The following NELL1 variants were observed in gnomAD, a reference collection of about 807,000 sequenced individuals.
NELL1 encodes neural EGFL like 1.
NELL1 carries 76 observed loss-of-function variants against 107.4 expected under a neutral mutation model. That is an observed-to-expected ratio of 0.71 (90% CI 0.59 to 0.86). The LOEUF (loss-of-function observed/expected upper bound fraction) is 0.86. Ranked by LOEUF, NELL1 falls within the 40% of genes least tolerant of loss-of-function variation. The probability of loss-of-function intolerance (pLI) is 0.00; values close to 1 mark genes in which losing one functional copy is unlikely to be tolerated. For synonymous variants in NELL1, 353 were observed against 341.2 expected (o/e 1.03, Z -0.38); for missense variants, 1,024 against 1,005.5 (o/e 1.02, Z -0.25).
At chr11:21,291,807 C>G (rs576875621) in intron 14 of NELL1, among the ~76,000 whole-genome samples, 1 of 152,162 alleles carries the variant, frequency 6.6e-6, no homozygotes, top group South Asian at 2.1e-4. Flanking sequence ...ATCAGATAAA[C>G]AGAACTGATG....
chr11:21,434,407 G>C (rs548365396), intron 15 of NELL1, among the ~76,000 whole-genome samples: 1 of 152,176 alleles, frequency 6.6e-6, no homozygotes, highest in South Asian at 2.1e-4. Context: ...TGTTCTTGAT[G>C]TGGATATTCA....
intron 3 of NELL1, among the ~76,000 whole-genome samples, chr11:20,830,875 C>T (rs771767345): frequency 1.1e-4 from 16 of 152,072 alleles, no homozygotes; most frequent in Non-Finnish European, 1.6e-4. Context: ...AGAGATACAC[C>T]CATATGATCC....
chr11:20,927,041 T>C (rs1850511413), intron 7 of NELL1: 1 of 364,284 alleles, frequency 2.7e-6, no homozygotes, highest in South Asian at 3.9e-5. Context: ...CACACATTTA[T>C]GAACACCCAT....
chr11:21,391,634 C>T (rs1851880756), intron 15 of NELL1, among the ~76,000 whole-genome samples: 1 of 151,550 alleles, frequency 6.6e-6, no homozygotes, highest in African/African-American at 2.4e-5. Context: ...AATGTAGCTA[C>T]CCTGTTTCAT....
chr11:21,351,458 C>T (rs572453704), intron 14 of NELL1, among the ~76,000 whole-genome samples: 1 of 149,614 alleles, frequency 6.7e-6, no homozygotes, highest in East Asian at 2.0e-4. Flanking sequence ...ACCTGATTTA[C>T]TAATGGGAAA....
intron 13 of NELL1, among the ~76,000 whole-genome samples, chr11:21,153,245 G>A (rs1426613482): frequency 6.6e-6 from 1 of 152,060 alleles, no homozygotes. Flanking sequence ...CCTATCTGAG[G>A]TGGGCAGACA....
chr11:21,182,877 C>T (rs1025982734), intron 13 of NELL1, among the ~76,000 whole-genome samples: 5 of 151,910 alleles, frequency 3.3e-5, no homozygotes, highest in African/African-American at 1.2e-4. Flanking sequence ...AGTACTGCTA[C>T]TGGAAAGAAA....
chr11:21,142,937 G>C (rs1216571389), intron 13 of NELL1, among the ~76,000 whole-genome samples: 1 of 152,180 alleles, frequency 6.6e-6, no homozygotes, highest in Non-Finnish European at 1.5e-5. Flanking sequence ...TTTCTAGGCA[G>C]GTGGCAACTG....
chr11:21,078,226 A>G (rs946592835), intron 12 of NELL1, among the ~76,000 whole-genome samples: 54 of 152,178 alleles, frequency 3.5e-4, no homozygotes, highest in Non-Finnish European at 1.2e-4. Context: ...TTAATGGAGA[A>G]AATTATGTGA....
At chr11:21,006,691 C>T (rs1852334434) in intron 12 of NELL1, among the ~76,000 whole-genome samples, 1 of 152,012 alleles carries the variant, frequency 6.6e-6, no homozygotes, top group Middle Eastern at 3.2e-3. Context: ...AGGGATAAGA[C>T]CCCCAACGCC....
intron 15 of NELL1, among the ~76,000 whole-genome samples, chr11:21,401,375 T>C (rs548659020): frequency 5.8e-4 from 88 of 151,966 alleles, no homozygotes; most frequent in Non-Finnish European, 1.1e-3. Flanking sequence ...CTTTGAGAAA[T>C]ATGAAATGGC....
At chr11:21,020,902 C>T (rs970814205) in intron 12 of NELL1, among the ~76,000 whole-genome samples, 2 of 151,548 alleles carry the variant, frequency 1.3e-5, no homozygotes, top group Non-Finnish European at 2.9e-5. Flanking sequence ...TGTATTGTAC[C>T]AAATAGCAGT....
At chr11:21,170,704 A>ATT (rs370264875) in intron 13 of NELL1, among the ~76,000 whole-genome samples, 2 of 42,618 alleles carry the variant, frequency 4.7e-5, no homozygotes, top group Admixed American at 3.2e-4. Flanking sequence ...TATATACTGT[A>ATT]TTATATATAT....
chr11:21,304,087 C>T (rs905193743), intron 14 of NELL1, among the ~76,000 whole-genome samples: 5 of 152,036 alleles, frequency 3.3e-5, no homozygotes, highest in African/African-American at 1.2e-4. Flanking sequence ...TTCGGGGAAA[C>T]CATCATTCAA....
intron 4 of NELL1, among the ~76,000 whole-genome samples, chr11:20,872,671 G>GGTGTGTGTGTGTGTGTGT (rs61184129): frequency 3.3e-4 from 45 of 137,176 alleles, no homozygotes; most frequent in Non-Finnish European, 4.5e-4. Context: ...CAGTGTTTGA[G>GGTGTGTGTGTGTGTGTGT]GTGTGTGTGT....
intron 15 of NELL1, among the ~76,000 whole-genome samples, chr11:21,530,115 G>A (rs1202308546): frequency 6.6e-6 from 1 of 152,018 alleles, no homozygotes; most frequent in East Asian, 1.9e-4. Context: ...CACATGGTGG[G>A]TGCTCAATAA....
At chr11:21,568,831 A>C (rs1374315386) in intron 17 of NELL1, among the ~76,000 whole-genome samples, 1 of 150,182 alleles carries the variant, frequency 6.7e-6, no homozygotes, top group Non-Finnish European at 1.5e-5. Context: ...CTTCTGGAAT[A>C]CCTCCTGAGG....
intron 16 of NELL1, among the ~76,000 whole-genome samples, chr11:21,538,279 C>A (rs1655334673): frequency 6.6e-6 from 1 of 152,094 alleles, no homozygotes; most frequent in Admixed American, 6.6e-5. Context: ...AGCACCTTCA[C>A]TACTGATTTT....
At chr11:21,215,554 A>G (rs963827951) in intron 13 of NELL1, among the ~76,000 whole-genome samples, 6 of 152,160 alleles carry the variant, frequency 3.9e-5, no homozygotes, top group Non-Finnish European at 7.3e-5. Flanking sequence ...CTTCCTAGAG[A>G]CTTGTTGAAT....
Sources: allele counts gnomAD v4.1 joint callset (sites outside exome capture counted in the v4.1 genomes callset), GRCh38; gene constraint gnomAD v4.1.1; transcripts MANE v1.5; gene names NCBI Gene and HGNC (gene_info 2026-07-23, HGNC 2026-07-21).